The following UBASH3B variants were observed in gnomAD, a reference collection of about 807,000 sequenced individuals.
UBASH3B encodes the protein ubiquitin associated and SH3 domain containing B.
Under a neutral mutation model 83.4 loss-of-function variants are expected in UBASH3B, and 37 were observed. The ratio of observed to expected loss-of-function variants is 0.44; its 90% CI spans 0.34 to 0.58. The LOEUF is 0.58. Ranked by LOEUF, UBASH3B falls within the 20% of genes least tolerant of loss-of-function variation. The probability of loss-of-function intolerance (pLI) is 0.01; values close to 1 mark genes in which losing one functional copy is unlikely to be tolerated. For synonymous variants in UBASH3B, 304 were observed against 318.3 expected, an observed-to-expected ratio of 0.96 and a Z score of 0.48; for missense variants, 657 against 827.2, an observed-to-expected ratio of 0.79 and a Z score of 2.52.
chr11:122,698,925 G>T (rs1031498035), intron 1 of UBASH3B, among the ~76,000 whole-genome samples: 1 of 151,944 alleles, frequency 6.6e-6, no homozygotes, highest in Non-Finnish European at 1.5e-5. Flanking sequence ...ATCTCGGCTC[G>T]CTGCAACATC....
At chr11:122,778,166 C>T (rs1190422056) in intron 3 of UBASH3B, among the ~76,000 whole-genome samples, 1 of 152,136 alleles carries the variant, frequency 6.6e-6, no homozygotes, top group East Asian at 1.9e-4. Flanking sequence ...CATTTTAAAC[C>T]ATTTTTATAA....
intron 6 of UBASH3B, among the ~76,000 whole-genome samples, chr11:122,792,894 T>C (rs1861084745): frequency 6.6e-6 from 1 of 151,886 alleles, no homozygotes; most frequent in African/African-American, 2.4e-5. Context: ...AGTCTCCTGG[T>C]GATTCTGATA....
At chr11:122,769,560 G>A (rs976838476) in intron 1 of UBASH3B, among the ~76,000 whole-genome samples, 10 of 152,164 alleles carry the variant, frequency 6.6e-5, no homozygotes, top group Admixed American at 2.0e-4. Context: ...CAAGATGGCC[G>A]CCAGCCCCAG....
At chr11:122,688,559 C>T (rs1345045101) in intron 1 of UBASH3B, among the ~76,000 whole-genome samples, 4 of 151,546 alleles carry the variant, frequency 2.6e-5, no homozygotes, top group Admixed American at 6.6e-5. Context: ...CATTCTCCTG[C>T]CTCAGCCTCC....
chr11:122,807,948 C>A, intron 12 of UBASH3B, 119 bp from the exon 13 acceptor site: 1 of 764,548 alleles, frequency 1.3e-6, no homozygotes. Flanking sequence ...ATTGCTTAGG[C>A]AAATTGTCTT....
Position 122,809,828 on chromosome 11 carries a change from C to T in UBASH3B, c.1892C>T (p.Pro631Leu). The T allele has an allele frequency of 6.2e-7, 1 of 1,614,166 alleles. No homozygotes were observed. The highest frequency in any genetic ancestry group is 8.5e-7 in the Non-Finnish European group (1 of 1,180,018). ...IWQLTDPPILPLTHGPTGGFN... is the reference protein window; with the variant it reads ...IWQLTDPPILLLTHGPTGGFN... ...CAGCTGACAGATCCACCAATCCTTCCTCTTACCCATGGACCAACTGGGGGC... is the reference window on the plus strand; with the variant it reads ...CAGCTGACAGATCCACCAATCCTTCTTCTTACCCATGGACCAACTGGGGGC... The change falls in exon 14 of 14, where the codon CCT becomes CTT. Residue 631 changes from proline to leucine, a missense_variant. Pro to Leu is a moderately conservative substitution (Grantham distance 98). Around this residue, in one of 3 missense-constraint regions of UBASH3B, gnomAD observed 573 missense variants for 739.0 expected, o/e 0.78. Transcript: ENST00000284273.
chr11:122,721,167 C>T (rs1427662566), intron 1 of UBASH3B, among the ~76,000 whole-genome samples: 3 of 148,946 alleles, frequency 2.0e-5, no homozygotes, highest in Non-Finnish European at 4.4e-5. Context: ...ATCGCTTGAA[C>T]CCGGTGGTGG....
intron 6 of UBASH3B, among the ~76,000 whole-genome samples, chr11:122,790,604 T>G (rs1207770863): frequency 6.6e-6 from 1 of 152,188 alleles, no homozygotes; most frequent in Non-Finnish European, 1.5e-5. Context: ...TCTGTTATTT[T>G]TTATTTTACA....
intron 1 of UBASH3B, among the ~76,000 whole-genome samples, chr11:122,666,392 T>A (rs1314755292): frequency 7.0e-6 from 1 of 142,842 alleles, no homozygotes; most frequent in African/African-American, 2.5e-5. Context: ...TGCAGTTTCG[T>A]TTTTGTTTTT....
intron 1 of UBASH3B, among the ~76,000 whole-genome samples, chr11:122,686,457 G>GTGT (rs772728232): frequency 6.6e-6 from 1 of 152,248 alleles, no homozygotes; most frequent in Non-Finnish European, 1.5e-5. Flanking sequence ...ATCCAAGGAT[G>GTGT]TGTTGCCAGT....
chr11:122,755,023 C>T (rs1404541807), intron 1 of UBASH3B, among the ~76,000 whole-genome samples: 5 of 152,154 alleles, frequency 3.3e-5, no homozygotes, highest in African/African-American at 7.2e-5. Flanking sequence ...GTAAGCTCTG[C>T]GCCAAGTCAC....
Position 122,783,211 on chromosome 11 carries a change from G to T in UBASH3B, c.760G>T (p.Ala254Ser). 1 of 1,613,830 alleles carries T rather than the reference G, an allele frequency of 6.2e-7. No homozygotes were observed. Among genetic ancestry groups the T allele is most frequent in the Non-Finnish European group, 8.5e-7 (1 of 1,179,866 alleles). The change falls in exon 5 of 14, where the codon GCT (alanine) becomes TCT (serine). Residue 254 changes from alanine (A) to serine (S), a missense_variant. Ala to Ser is a moderately conservative substitution (Grantham distance 99). Transcript: ENST00000284273. ...CATATTTTCTCGGGATATCCGATTTGCTAACCATGAGGTAATGTCTCACTG... is the reference window on the plus strand; with the variant it reads ...CATATTTTCTCGGGATATCCGATTTTCTAACCATGAGGTAATGTCTCACTG... ...ATIFSRDIRFANHETLQVIYP... is the reference protein window; with the variant it reads ...ATIFSRDIRFSNHETLQVIYP...
chr11:122,796,086 T>G (rs1057035976), intron 7 of UBASH3B, 70 bp from the exon 8 acceptor site: 1 of 1,588,624 alleles, frequency 6.3e-7, no homozygotes, highest in African/African-American at 1.3e-5. Context: ...TCAGCTCACC[T>G]GGCACCTGGC....
chr11:122,786,516 G>T lies in UBASH3B; in HGVS notation c.772-2584G>T, dbSNP rs1268072864. On this transcript the variant is annotated intron_variant, in intron 5 of 13. Transcript: ENST00000284273. ...TACTAAAAATACAAAAATTAGCCAG[G>T]TTTGGTGGTACACACCTGTAGTCCC... is the stretch of plus-strand genomic sequence containing the variant. Among the ~76,000 whole-genome samples the T allele has an allele frequency of 5.9e-5, 9 of 152,192 alleles. No individual in the cohort carries two copies. In the East Asian group the frequency reaches 1.2e-3, roughly 20 times the overall value.
chr11:122,707,292 C>T (rs1864133015), intron 1 of UBASH3B, among the ~76,000 whole-genome samples: 1 of 152,168 alleles, frequency 6.6e-6, no homozygotes, highest in Non-Finnish European at 1.5e-5. Context: ...GGCTACAACC[C>T]TACTCTGCAG....
intron 1 of UBASH3B, among the ~76,000 whole-genome samples, chr11:122,723,914 A>G (rs1860685613): frequency 6.6e-6 from 1 of 152,190 alleles, no homozygotes; most frequent in South Asian, 2.1e-4. Flanking sequence ...GTGTAAAAGT[A>G]ACTTGAGAGC....
chr11:122,796,485 C>T (rs1311383153), intron 8 of UBASH3B, among the ~76,000 whole-genome samples: 2 of 152,112 alleles, frequency 1.3e-5, no homozygotes, highest in Non-Finnish European at 2.9e-5. Context: ...ATACCACGGA[C>T]CAAAGAAGAC....
intron 1 of UBASH3B, among the ~76,000 whole-genome samples, chr11:122,708,523 A>T (rs1300025145): frequency 6.6e-6 from 1 of 152,058 alleles, no homozygotes; most frequent in Non-Finnish European, 1.5e-5. Flanking sequence ...TGAACTCCTG[A>T]CCTCAAGTGA....
intron 5 of UBASH3B, among the ~76,000 whole-genome samples, chr11:122,784,995 A>C (rs1269892729): frequency 6.6e-6 from 1 of 152,178 alleles, no homozygotes; most frequent in Non-Finnish European, 1.5e-5. Flanking sequence ...AGAAAAAAAA[A>C]GTCAAGGGTT....
Sources: allele counts gnomAD v4.1 joint callset (sites outside exome capture counted in the v4.1 genomes callset), GRCh38; gene constraint gnomAD v4.1.1; regional missense constraint gnomAD v4.1.1; transcripts MANE v1.5; gene names NCBI Gene and HGNC (gene_info 2026-07-23, HGNC 2026-07-21).